Variants in UNC13C observed in about 807,000 individuals in gnomAD.
The protein encoded by UNC13C is protein unc-13 homolog C.
In UNC13C, 174 loss-of-function variants were observed where a neutral mutation model predicts 245.4. The observed-to-expected ratio is 0.71, with a 90% CI of 0.63 to 0.80. The LOEUF (loss-of-function observed/expected upper bound fraction) is 0.80, where lower values mean the gene tolerates loss of function less well. Ranked by LOEUF, UNC13C falls within the 30% of genes least tolerant of loss-of-function variation. The pLI is 0.00. For synonymous variants in UNC13C, 992 were observed against 895.1 expected, an observed-to-expected ratio of 1.11 and a Z score of -1.93; for missense variants, 2,829 against 2,602.9, an observed-to-expected ratio of 1.09 and a Z score of -1.89.
intron 17 of UNC13C, among the ~76,000 whole-genome samples, chr15:54,365,882 G>C (rs1443586861): frequency 1.3e-5 from 2 of 152,226 alleles, no homozygotes; most frequent in East Asian, 3.9e-4. Flanking sequence ...GCTTATCTTA[G>C]TTGTAAAATC....
At chr15:54,238,016 A>G (rs1461257006) in intron 7 of UNC13C, among the ~76,000 whole-genome samples, 1 of 150,848 alleles carries the variant, frequency 6.6e-6, no homozygotes, top group Admixed American at 6.6e-5. Context: ...TTCCCCAAAC[A>G]TCTTCCATCT....
chr15:53,939,835 C>G, the UNC13C span, among the ~76,000 whole-genome samples: 2 of 149,870 alleles, frequency 1.3e-5, no homozygotes, highest in Non-Finnish European at 3.0e-5. Flanking sequence ...GAGAGAGAGA[C>G]CCAAGTTCAG....
At chr15:54,206,018 C>T (rs1321983656) in intron 4 of UNC13C, among the ~76,000 whole-genome samples, 1 of 151,940 alleles carries the variant, frequency 6.6e-6, no homozygotes, top group African/African-American at 2.4e-5. Context: ...TAGTTTTAAT[C>T]AAGGATTTCC....
chr15:54,352,490 G>C (rs75517394), intron 17 of UNC13C, among the ~76,000 whole-genome samples: 1 of 151,656 alleles, frequency 6.6e-6, no homozygotes, highest in East Asian at 1.9e-4. Flanking sequence ...GTGCTGATTA[G>C]ACATAGTCTC....
intron 17 of UNC13C, among the ~76,000 whole-genome samples, chr15:54,352,737 T>C (rs2039012618): frequency 6.6e-6 from 1 of 152,076 alleles, no homozygotes; most frequent in Non-Finnish European, 1.5e-5. Flanking sequence ...CCTTGCTCTC[T>C]CCAGAACAAG....
chr15:54,448,739 C>A lies in UNC13C; in HGVS notation c.4933+33672C>A, dbSNP rs1890979462. ...TTGATTCTCTATCCAATTTGCCAGT[C>A]TGTGTCTTTTAATTGGAGCATTTAG... On this transcript the variant is annotated intron_variant, in intron 19 of 32. Transcript: ENST00000260323. 2.0e-5 allele frequency among the ~76,000 whole-genome samples: 3 copies of A among 152,144 alleles called. No individual in the cohort carries two copies. The South Asian group carries it at 6.2e-4, about 32-fold the overall frequency.
the UNC13C span, among the ~76,000 whole-genome samples, chr15:53,848,183 T>C: frequency 6.6e-6 from 1 of 152,256 alleles, no homozygotes; most frequent in Middle Eastern, 3.4e-3. Context: ...ATTTTATCTA[T>C]TTACTTTTGT....
At chr15:54,181,330 G>T (rs2033790440) in intron 4 of UNC13C, among the ~76,000 whole-genome samples, 1 of 151,768 alleles carries the variant, frequency 6.6e-6, no homozygotes, top group Admixed American at 6.6e-5. Context: ...TTTATTTCTG[G>T]GTTCTCTCTT....
At chr15:54,025,167 C>G (rs1009061261) in intron 2 of UNC13C, among the ~76,000 whole-genome samples, 6 of 152,202 alleles carry the variant, frequency 3.9e-5, no homozygotes, top group African/African-American at 1.4e-4. Context: ...TCTCCCTCAT[C>G]CCTCCAAGCA....
chr15:53,859,067 T>C, the UNC13C span, among the ~76,000 whole-genome samples: 1 of 152,160 alleles, frequency 6.6e-6, no homozygotes, highest in African/African-American at 2.4e-5. Flanking sequence ...ATTTGAGTTT[T>C]GTAAATGGGC....
At chr15:53,971,066 A>G in the UNC13C span, among the ~76,000 whole-genome samples, 1 of 152,138 alleles carries the variant, frequency 6.6e-6, no homozygotes, top group African/African-American at 2.4e-5. Flanking sequence ...ATGGGTGTGA[A>G]GTAATATCGT....
At chr15:54,470,783 C>G (rs1892421793) in intron 19 of UNC13C, among the ~76,000 whole-genome samples, 1 of 151,006 alleles carries the variant, frequency 6.6e-6, no homozygotes, top group African/African-American at 2.4e-5. Flanking sequence ...CTTCATTCTG[C>G]TAATGTTGCA....
intron 1 of UNC13C, among the ~76,000 whole-genome samples, chr15:54,011,716 G>T (rs1239548779): frequency 6.6e-6 from 1 of 152,176 alleles, no homozygotes; most frequent in East Asian, 1.9e-4. Flanking sequence ...GACTTCTTTA[G>T]AGTTCATCTC....
At chr15:54,146,904 T>A (rs1438176151) in intron 4 of UNC13C, among the ~76,000 whole-genome samples, 1 of 152,150 alleles carries the variant, frequency 6.6e-6, no homozygotes, top group Non-Finnish European at 1.5e-5. Flanking sequence ...GAATTGAGTA[T>A]GAAAAGCCTG....
intron 10 of UNC13C, among the ~76,000 whole-genome samples, chr15:54,282,862 A>G (rs891732218): frequency 4.6e-5 from 7 of 152,084 alleles, no homozygotes; most frequent in African/African-American, 1.7e-4. Flanking sequence ...TCTTTGCTGG[A>G]GTCTCATTGT....
chr15:54,212,457 T>C (rs1407128037), intron 4 of UNC13C, among the ~76,000 whole-genome samples: 1 of 152,076 alleles, frequency 6.6e-6, no homozygotes, highest in Admixed American at 6.6e-5. Context: ...TCAATGTATA[T>C]TGAAAAATGA....
At chr15:54,397,667 A>G (rs982498453) in intron 18 of UNC13C, among the ~76,000 whole-genome samples, 2 of 151,456 alleles carry the variant, frequency 1.3e-5, no homozygotes, top group Admixed American at 6.6e-5. Context: ...CATGGCATGT[A>G]CATGCATTAA....
At chr15:54,618,135 G>T (rs1900561422) in intron 30 of UNC13C, among the ~76,000 whole-genome samples, 1 of 152,154 alleles carries the variant, frequency 6.6e-6, no homozygotes, top group African/African-American at 2.4e-5. Context: ...GTAGGTGAGA[G>T]ATTCCAGTAA....
At chr15:54,183,120 A>C (rs2033855678) in intron 4 of UNC13C, among the ~76,000 whole-genome samples, 1 of 152,068 alleles carries the variant, frequency 6.6e-6, no homozygotes, top group Non-Finnish European at 1.5e-5. Context: ...AAGAAGTTAA[A>C]AAAGGTGAAA....
Sources: allele counts gnomAD v4.1 joint callset (sites outside exome capture counted in the v4.1 genomes callset), GRCh38; gene constraint gnomAD v4.1.1; transcripts MANE v1.5; gene names NCBI Gene and HGNC (gene_info 2026-07-23, HGNC 2026-07-21).